The following SVEP1 variants were observed in gnomAD, a reference collection of about 807,000 sequenced individuals.
SVEP1 encodes the protein sushi, von Willebrand factor type A, EGF and pentraxin domain-containing protein 1.
SVEP1 carries 164 observed loss-of-function variants against 367.3 expected under a neutral mutation model. The ratio of observed to expected loss-of-function variants is 0.45; its 90% CI spans 0.39 to 0.51. SVEP1 has a LOEUF of 0.51. Among genes scored for constraint, SVEP1 ranks in the 20% least tolerant of loss-of-function variants. The probability of loss-of-function intolerance (pLI) is 0.00; values close to 1 mark genes in which losing one functional copy is unlikely to be tolerated. For missense variants in SVEP1, 4,117 were observed against 4,425.3 expected (o/e 0.93, Z 1.98); for synonymous variants, 1,666 against 1,611.6 (o/e 1.03, Z -0.81).
chr9:110,437,211 T>C lies in SVEP1; in HGVS notation c.4640-707A>G, dbSNP rs1364278794. Among the ~76,000 whole-genome samples the C allele has an allele frequency of 4.6e-5, 7 of 152,104 alleles. No homozygotes were observed. In the South Asian group the frequency reaches 1.5e-3, roughly 32 times the overall value. ...ATAAGAAAAAGGGATGAGAGAGAAC[T>C]TGAAACTCCTGTATCCCTTCCTGCC... On this transcript the variant is annotated intron_variant, in intron 27 of 47. Coordinates refer to ENST00000374469, the MANE Select transcript of SVEP1 (RefSeq NM_153366.4).
At chr9:110,396,460 C>T (rs28760926) in intron 40 of SVEP1, among the ~76,000 whole-genome samples, 1 of 152,042 alleles carries the variant, frequency 6.6e-6, no homozygotes, top group African/African-American at 2.4e-5. Context: ...AGAGCAAACA[C>T]ATTCAAAAGC....
At chr9:110,394,843 G>C (rs1047991335) in intron 40 of SVEP1, among the ~76,000 whole-genome samples, 6 of 152,126 alleles carry the variant, frequency 3.9e-5, no homozygotes, top group Non-Finnish European at 7.4e-5. Flanking sequence ...CAAGAAATAT[G>C]GGACTATGTG....
intron 43 of SVEP1, among the ~76,000 whole-genome samples, chr9:110,382,323 C>A (rs1827451000): frequency 6.6e-6 from 1 of 152,106 alleles, no homozygotes; most frequent in Admixed American, 6.5e-5. Context: ...GATTTTATTT[C>A]TCTTTCACTT....
chr9:110,474,365 C>T lies in SVEP1; in HGVS notation c.2599+1839G>A, dbSNP rs567849037. On this transcript the variant is annotated intron_variant, in intron 14 of 47. Transcript: ENST00000374469. The stretch of plus-strand genomic sequence containing the variant: ...TTGATTTTATTATATTTACTGGTTG[C>T]TTATTTTTCATACATTATGACCTTC... Among the ~76,000 whole-genome samples the T allele has an allele frequency of 7.9e-5, 12 of 152,218 alleles. No homozygotes were observed. In the South Asian group the frequency reaches 2.1e-3, roughly 26 times the overall value.
At chr9:110,395,253 T>C (rs62571894) in intron 40 of SVEP1, among the ~76,000 whole-genome samples, 1 of 151,788 alleles carries the variant, frequency 6.6e-6, no homozygotes, top group Admixed American at 6.6e-5. Context: ...AGCCAAACTA[T>C]GCTTCATAAG....
chr9:110,410,989 TA>T, intron 37 of SVEP1, 73 bp downstream of exon 37: 1 of 1,375,952 alleles, frequency 7.3e-7, no homozygotes, highest in African/African-American at 1.5e-5. Flanking sequence ...TGGACTCAAT[TA>T]TTTGTTTTGT....
At chr9:110,457,997 T>TG (rs11405869) in intron 20 of SVEP1, 166,277 of 362,196 alleles carry the variant, frequency 0.46, 39,095 homozygotes, top group African/African-American at 0.52. Flanking sequence ...ATAAAGCATT[T>TG]GGTTTAGCTA....
intron 38 of SVEP1, among the ~76,000 whole-genome samples, chr9:110,405,175 A>G (rs1015159690): frequency 6.6e-6 from 1 of 152,212 alleles, no homozygotes; most frequent in African/African-American, 2.4e-5. Flanking sequence ...TTTTTATTCT[A>G]TAAACAGCTA....
chr9:110,468,880 C>G, intron 17 of SVEP1, 60 bp downstream of exon 17: 1 of 1,462,776 alleles, frequency 6.8e-7, no homozygotes. Context: ...ATCTTTCTTT[C>G]CCCCAAAAGG....
chr9:110,540,869 T>C (rs560257155), intron 3 of SVEP1, among the ~76,000 whole-genome samples: 3 of 152,312 alleles, frequency 2.0e-5, no homozygotes, highest in East Asian at 3.9e-4. Context: ...ACTGTGACAG[T>C]GGCGTTCATT....
rs371319842 is a variant in SVEP1, at chr9:110,443,608, C to G, written c.4576G>C (p.Val1526Leu). 5.0e-6 allele frequency: 8 copies of G among 1,613,184 alleles called. No homozygotes were observed. The highest frequency in any genetic ancestry group is 2.2e-5 in the South Asian group (2 of 90,876). Reference sequence around the variant, plus strand: ...TCAGATAATTTCCCATCGATATAGACTTTCCAGATGCCATTGGCACTTGTC... The same window carrying G: ...TCAGATAATTTCCCATCGATATAGAGTTTCCAGATGCCATTGGCACTTGTC... ...TWTSANGIWK[V>L]YIDGKLSDGG... The change falls in exon 27 of 48, where the codon GTC (valine) becomes CTC (leucine). Residue 1526 changes from valine (V) to leucine (L), a missense_variant. Val to Leu is a conservative substitution (Grantham distance 32, BLOSUM62 1). This residue lies in a region of SVEP1 where 2,174 missense variants were observed against 2,494.3 expected (regional missense o/e 0.87). Transcript: ENST00000374469.
Position 110,406,555 on chromosome 9 carries a change from T to C in SVEP1, c.9045A>G (p.Gly3015=), listed in dbSNP as rs924890620. Residue 3015 remains glycine, a synonymous_variant, in exon 38 of 48, where the codon GGA becomes GGG. Coordinates refer to ENST00000374469, the MANE Select transcript of SVEP1 (RefSeq NM_153366.4). ...AGTCAAAATCTGTCCCATTGACAGTTCCATATTCAATTACTGGTGTGGAAC... is the reference window on the plus strand; with the variant it reads ...AGTCAAAATCTGTCCCATTGACAGTCCCATATTCAATTACTGGTGTGGAAC... ...CRCSTPVIEY[G]TVNGTDFDCG... 6.2e-7 allele frequency: 1 copy of C among 1,613,566 alleles called. No individual in the cohort carries two copies. Among genetic ancestry groups the C allele is most frequent in the African/African-American group, 1.3e-5 (1 of 74,926 alleles).
chr9:110,479,938 C>T (rs577877972), intron 12 of SVEP1, among the ~76,000 whole-genome samples, 182 bp from the exon 13 acceptor site: 1 of 152,176 alleles, frequency 6.6e-6, no homozygotes, highest in African/African-American at 2.4e-5. Flanking sequence ...AAACCATGCA[C>T]CAAGCAGCAC....
At chr9:110,514,787 A>G (rs943310380) in intron 3 of SVEP1, among the ~76,000 whole-genome samples, 3 of 152,182 alleles carry the variant, frequency 2.0e-5, no homozygotes, top group African/African-American at 7.2e-5. Context: ...GATAAGTATG[A>G]TGTCCCCTAT....
At chr9:110,411,899 TTGAGA>T (rs1828050098) in intron 36 of SVEP1, among the ~76,000 whole-genome samples, 164 bp from the exon 37 acceptor site, 1 of 152,238 alleles carries the variant, frequency 6.6e-6, no homozygotes, top group African/African-American at 2.4e-5. Flanking sequence ...TGACTTTCAC[TTGAGA>T]TATGTCAATA....
rs770610532 is a variant in SVEP1, at chr9:110,379,390, A to C, written c.10365T>G (p.Val3455=). Residue 3455 remains valine (V), a synonymous_variant, in exon 44 of 48, where the codon GTT becomes GTG. Coordinates refer to ENST00000374469, the MANE Select transcript of SVEP1 (RefSeq NM_153366.4). The part of the protein sequence containing the change: ...GYMLEGFLRS[V]CLENGTWTSP... The stretch of plus-strand genomic sequence containing the variant: ...ATGTCCATGTTCCATTTTCTAAACA[A>C]ACACTCCTCAGGAAACCCTCCAACA... 1.2e-6 allele frequency: 2 copies of C among 1,613,668 alleles called. No homozygotes were observed. Among genetic ancestry groups the C allele is most frequent in the Non-Finnish European group, 8.5e-7 (1 of 1,179,790 alleles).
chr9:110,490,004 C>G (rs1829343376), intron 8 of SVEP1, among the ~76,000 whole-genome samples: 1 of 151,984 alleles, frequency 6.6e-6, no homozygotes, highest in Non-Finnish European at 1.5e-5. Flanking sequence ...AACATAATAC[C>G]TTCAAACATC....
intron 3 of SVEP1, among the ~76,000 whole-genome samples, chr9:110,538,717 T>G (rs995914297): frequency 2.0e-5 from 3 of 152,076 alleles, no homozygotes; most frequent in Non-Finnish European, 4.4e-5. Flanking sequence ...CATGCCTAAC[T>G]CATTGAAATA....
chr9:110,427,688 G>A lies in SVEP1; in HGVS notation c.5878C>T (p.Leu1960Phe). 1.9e-6 allele frequency: 3 copies of A among 1,613,926 alleles called. No individual in the cohort carries two copies. The highest frequency in any genetic ancestry group is 1.7e-6 in the Non-Finnish European group (2 of 1,179,864). The change falls in exon 36 of 48, where the codon CTC becomes TTC. Residue 1960 changes from leucine (L) to phenylalanine (F), a missense_variant. Physicochemically the swap from Leu to Phe is conservative, Grantham distance 22. Coordinates refer to ENST00000374469, the MANE Select transcript of SVEP1 (RefSeq NM_153366.4). ...GCAGGTGGTTCTCCACAGAAGACGA[G>A]GTGACAGGCAGGTGGCGCTCTGTCC... ...IWDRAPPACH[L>F]VFCGEPPAIK... is the part of the protein sequence containing the mutation.
Sources: allele counts gnomAD v4.1 joint callset (sites outside exome capture counted in the v4.1 genomes callset), GRCh38; gene constraint gnomAD v4.1.1; regional missense constraint gnomAD v4.1.1; transcripts MANE v1.5; gene names NCBI Gene and HGNC (gene_info 2026-07-23, HGNC 2026-07-21).